The following GPHN variants were observed in gnomAD, a reference collection of about 807,000 sequenced individuals.
GPHN encodes gephyrin.
Under a neutral mutation model 95.5 loss-of-function variants are expected in GPHN, and 17 were observed. The observed-to-expected ratio is 0.18, with a 90% confidence interval of 0.12 to 0.27. GPHN has a LOEUF of 0.27. Ranked by LOEUF, GPHN falls within the 10% of genes least tolerant of loss-of-function variation. The pLI, the probability that GPHN is intolerant of heterozygous loss-of-function variation, is 1.00. For synonymous variants in GPHN, 320 were observed against 322.5 expected (o/e 0.99, Z 0.08); for missense variants, 660 against 978.1 (o/e 0.67, Z 4.34).
At chr14:66,758,363 A>G (rs943505270) in intron 2 of GPHN, among the ~76,000 whole-genome samples, 1 of 152,130 alleles carries the variant, frequency 6.6e-6, no homozygotes, top group African/African-American at 2.4e-5. Context: ...AGGTACCTCT[A>G]ACTGCCATTA....
chr14:66,872,571 G>A (rs1469815129), intron 4 of GPHN, among the ~76,000 whole-genome samples: 1 of 152,030 alleles, frequency 6.6e-6, no homozygotes, highest in Non-Finnish European at 1.5e-5. Context: ...TTTCATTAGT[G>A]TATTCCAGAT....
chr14:67,579,538 C>T, the GPHN span: 5 of 659,486 alleles, frequency 7.6e-6, no homozygotes, highest in East Asian at 2.8e-5. Flanking sequence ...AGTTCATTTA[C>T]AGTGGATAAG....
At chr14:66,805,871 A>G (rs1340764016) in intron 3 of GPHN, among the ~76,000 whole-genome samples, 2 of 152,024 alleles carry the variant, frequency 1.3e-5, no homozygotes. Context: ...ACCAGATTTC[A>G]TTGGATCTAT....
the GPHN span, chr14:67,585,789 T>G: frequency 9.9e-7 from 1 of 1,009,752 alleles, no homozygotes; most frequent in Non-Finnish European, 1.5e-6. Flanking sequence ...GCACCAGTCC[T>G]CTAGTCTAGA....
At chr14:66,782,502 G>A (rs1037278069) in intron 3 of GPHN, among the ~76,000 whole-genome samples, 9 of 152,124 alleles carry the variant, frequency 5.9e-5, no homozygotes, top group African/African-American at 1.9e-4. Context: ...TACTAAAAAT[G>A]CCTAGGCATT....
At chr14:67,547,130 G>C in the GPHN span, among the ~76,000 whole-genome samples, 1 of 152,126 alleles carries the variant, frequency 6.6e-6, no homozygotes, top group Non-Finnish European at 1.5e-5. Flanking sequence ...GGAAATGTTA[G>C]GGGTGCATAG....
intron 2 of GPHN, among the ~76,000 whole-genome samples, chr14:66,758,553 A>C (rs1259754257): frequency 1.3e-5 from 2 of 152,240 alleles, no homozygotes; most frequent in Non-Finnish European, 2.9e-5. Context: ...AGAAGAGAGA[A>C]ACTGGGTTAT....
At chr14:67,078,204 G>T (rs901384255) in intron 11 of GPHN, among the ~76,000 whole-genome samples, 4 of 152,076 alleles carry the variant, frequency 2.6e-5, no homozygotes, top group African/African-American at 7.2e-5. Flanking sequence ...GACATCAAAT[G>T]TTCCTAAGCA....
the GPHN span, among the ~76,000 whole-genome samples, chr14:67,670,947 T>A: frequency 6.6e-6 from 1 of 152,236 alleles, no homozygotes; most frequent in African/African-American, 2.4e-5. Flanking sequence ...ATAAGCTACA[T>A]GCAAGGACTG....
chr14:67,550,794 A>G, the GPHN span, among the ~76,000 whole-genome samples: 9 of 152,206 alleles, frequency 5.9e-5, no homozygotes, highest in African/African-American at 1.9e-4. Context: ...GGCTGACAGA[A>G]TGTACTCTGG....
At chr14:66,847,412 T>C (rs1234722752) in intron 4 of GPHN, among the ~76,000 whole-genome samples, 1 of 152,084 alleles carries the variant, frequency 6.6e-6, no homozygotes, top group Non-Finnish European at 1.5e-5. Context: ...ATTTTATTAA[T>C]AATAAATATA....
In GPHN at chr14:66,813,188, CAAATT is replaced by C. The variant is rs762096180; in HGVS notation, c.202-11283_202-11279del. On this transcript the variant is annotated intron_variant, in intron 3 of 22. Transcript: ENST00000478722. ...TTGCTAATAGTGCCTACTATAAACT[CAAATT>C]AATAACTTTTATAATTATTTTATAG... Among the ~76,000 whole-genome samples, 17 of 152,162 alleles carry C rather than the reference CAAATT, an allele frequency of 1.1e-4. No homozygotes were observed. In the South Asian group the frequency reaches 1.2e-3, roughly 11 times the overall value.
the GPHN span, among the ~76,000 whole-genome samples, chr14:67,350,298 T>C: frequency 6.6e-6 from 1 of 151,604 alleles, no homozygotes; most frequent in African/African-American, 2.4e-5. Context: ...ATACCCAGCA[T>C]TAGGAGAAAA....
At chr14:66,654,500 T>G (rs1489762870) in intron 1 of GPHN, among the ~76,000 whole-genome samples, 1 of 152,206 alleles carries the variant, frequency 6.6e-6, no homozygotes, top group African/African-American at 2.4e-5. Context: ...TTTGCTCATT[T>G]TCTGCTTTTT....
chr14:67,051,280 C>G (rs560456052), intron 10 of GPHN, among the ~76,000 whole-genome samples: 1 of 152,270 alleles, frequency 6.6e-6, no homozygotes, highest in East Asian at 1.9e-4. Flanking sequence ...CCTGATGGAG[C>G]TGAAAAACAC....
chr14:66,858,124 A>C (rs1200208389), intron 4 of GPHN, among the ~76,000 whole-genome samples: 1 of 152,124 alleles, frequency 6.6e-6, no homozygotes, highest in Non-Finnish European at 1.5e-5. Context: ...GGCAAGTCCT[A>C]GTGCTGACCT....
At chr14:67,407,295 G>A in the GPHN span, among the ~76,000 whole-genome samples, 1 of 151,706 alleles carries the variant, frequency 6.6e-6, no homozygotes, top group Admixed American at 6.6e-5. Flanking sequence ...CTAATTTTTT[G>A]TATTTTTAGT....
chr14:66,970,448 G>A (rs2069676138), intron 9 of GPHN, among the ~76,000 whole-genome samples: 1 of 152,138 alleles, frequency 6.6e-6, no homozygotes, highest in Admixed American at 6.6e-5. Flanking sequence ...TCTCTGGGAT[G>A]TTTTCCTAGT....
intron 11 of GPHN, among the ~76,000 whole-genome samples, chr14:67,077,555 A>G (rs982020545): frequency 1.3e-5 from 2 of 152,184 alleles, no homozygotes; most frequent in African/African-American, 4.8e-5. Flanking sequence ...TTTGAGCTCA[A>G]TGCTCACAAA....
Sources: allele counts gnomAD v4.1 joint callset (sites outside exome capture counted in the v4.1 genomes callset), GRCh38; gene constraint gnomAD v4.1.1; transcripts MANE v1.5; gene names NCBI Gene and HGNC (gene_info 2026-07-23, HGNC 2026-07-21).